CRYBG3: variants seen among roughly 807,000 people sequenced by gnomAD.
CRYBG3 encodes crystallin beta-gamma domain containing 3, also known as very large A-kinase anchor protein.
CRYBG3 carries 127 observed loss-of-function variants against 244.2 expected under a neutral mutation model. That is an observed-to-expected ratio of 0.52 (90% CI 0.45 to 0.60). The LOEUF (loss-of-function observed/expected upper bound fraction) is 0.60, where lower values mean the gene tolerates loss of function less well. Among genes scored for constraint, CRYBG3 ranks in the 20% least tolerant of loss-of-function variants. The pLI, the probability that CRYBG3 is intolerant of heterozygous loss-of-function variation, is 0.00. For synonymous variants in CRYBG3, 1,132 were observed against 1,195.8 expected, an observed-to-expected ratio of 0.95 and a Z score of 1.10; for missense variants, 3,325 against 3,442.5, an observed-to-expected ratio of 0.97 and a Z score of 0.85.
Position 97,831,195 on chromosome 3 carries a change from C to G in CRYBG3, c.149+8840C>G, listed in dbSNP as rs1490467093. Among the ~76,000 whole-genome samples the G allele has an allele frequency of 2.0e-5, 3 of 152,072 alleles. No individual in the cohort carries two copies. In the East Asian group the frequency reaches 5.8e-4, roughly 29 times the overall value. The stretch of plus-strand genomic sequence containing the variant: ...AGTAAATACTTTTTATGGGAACTCA[C>G]TGGGCTTGAAGAACATAACAAAGGC... On this transcript the variant is annotated intron_variant, in intron 1 of 21. Coordinates refer to ENST00000389622, the MANE Select transcript of CRYBG3 (RefSeq NM_153605.4).
Position 97,933,726 on chromosome 3 carries a change from T to C in CRYBG3, c.8274T>C (p.Ala2758=). 3 of 1,613,116 alleles carry C rather than the reference T, an allele frequency of 1.9e-6. No individual in the cohort carries two copies. Residue 2758 remains alanine (A), a synonymous_variant, in exon 18 of 22, where the codon GCT becomes GCC. Coordinates refer to ENST00000389622, the MANE Select transcript of CRYBG3 (RefSeq NM_153605.4). The part of the protein sequence containing the change: ...VFEEPSISLF[A]LEHCEGRELH... The stretch of plus-strand genomic sequence containing the variant: ...AAGAACCCTCCATCAGCCTTTTTGC[T>C]CTGGAGCATTGTGAGGGAAGAGAGT...
At chr3:97,892,405 A>G (rs1397704282) in intron 10 of CRYBG3, among the ~76,000 whole-genome samples, 1 of 152,090 alleles carries the variant, frequency 6.6e-6, no homozygotes, top group Non-Finnish European at 1.5e-5. Context: ...CATCTTCAAC[A>G]TCATATCGTC....
At chr3:97,837,476 A>G (rs1335147776) in intron 1 of CRYBG3, among the ~76,000 whole-genome samples, 1 of 152,120 alleles carries the variant, frequency 6.6e-6, no homozygotes, top group Non-Finnish European at 1.5e-5. Context: ...CCTGTTCTCA[A>G]CAGTATTGCT....
intron 4 of CRYBG3, 32 bp downstream of exon 4, chr3:97,878,069 G>C: frequency 6.6e-7 from 1 of 1,516,336 alleles, no homozygotes; most frequent in Non-Finnish European, 8.9e-7. Context: ...ATTAATAATA[G>C]TTATTAAAGC....
intron 17 of CRYBG3, among the ~76,000 whole-genome samples, chr3:97,923,573 TAAAAA>T (rs1020817915): frequency 1.3e-5 from 2 of 150,162 alleles, no homozygotes; most frequent in South Asian, 2.1e-4. Context: ...TTCTATCTAA[TAAAAA>T]AAAATCTAAA....
intron 7 of CRYBG3, among the ~76,000 whole-genome samples, chr3:97,881,994 A>T (rs1389357959): frequency 6.6e-6 from 1 of 151,870 alleles, no homozygotes; most frequent in Non-Finnish European, 1.5e-5. Flanking sequence ...GGATCACTTG[A>T]GGTCAGGAGT....
intron 8 of CRYBG3, among the ~76,000 whole-genome samples, chr3:97,887,701 A>G (rs1445552667): frequency 6.6e-6 from 1 of 152,192 alleles, no homozygotes; most frequent in African/African-American, 2.4e-5. Flanking sequence ...GGTTGTGGTG[A>G]GCTGAGATAG....
At chr3:97,926,876 T>C (rs1276813203) in intron 17 of CRYBG3, among the ~76,000 whole-genome samples, 2 of 151,884 alleles carry the variant, frequency 1.3e-5, no homozygotes, top group African/African-American at 4.8e-5. Context: ...GTGAAAGATC[T>C]CTACAATGAA....
chr3:97,874,806 T>G lies in CRYBG3; in HGVS notation c.3612T>G (p.Ile1204Met). The part of the protein sequence containing the change: ...SSLLKKADTL[I>M]GEIFNSVREE... The stretch of plus-strand genomic sequence containing the variant: ...TACTCAAAAAGGCCGATACATTGAT[T>G]GGTGAGATTTTTAATTCTGTCAGGG... Residue 1204 changes from isoleucine to methionine, a missense_variant, in exon 4 of 22, where the codon ATT (isoleucine) becomes ATG (methionine). Coordinates refer to ENST00000389622, the MANE Select transcript of CRYBG3 (RefSeq NM_153605.4). 1 of 1,536,060 alleles carries G rather than the reference T, an allele frequency of 6.5e-7. No individual in the cohort carries two copies. The highest frequency in any genetic ancestry group is 8.7e-7 in the Non-Finnish European group (1 of 1,146,876).
intron 15 of CRYBG3, among the ~76,000 whole-genome samples, chr3:97,906,052 T>G (rs1433983348): frequency 6.9e-6 from 1 of 144,784 alleles, no homozygotes; most frequent in Non-Finnish European, 1.5e-5. Context: ...ATCAGATAGT[T>G]GTAGATATGC....
chr3:97,861,815 A>G (rs1416820295), intron 2 of CRYBG3, among the ~76,000 whole-genome samples: 1 of 152,146 alleles, frequency 6.6e-6, no homozygotes, highest in African/African-American at 2.4e-5. Context: ...CAACTGCTTT[A>G]GATCAATCTT....
intron 21 of CRYBG3, chr3:97,942,679 C>G (rs1166386133): frequency 2.6e-6 from 1 of 379,952 alleles, no homozygotes; most frequent in South Asian, 6.0e-5. Context: ...TCATTTGCTA[C>G]GTGAACTCAG....
At position 97,879,724 on chromosome 3, in the gene CRYBG3, G is replaced by A. The variant is rs780509590; in HGVS notation, c.6864G>A (p.Leu2288=). The A allele has an allele frequency of 4.4e-6, 7 of 1,603,986 alleles. No individual in the cohort carries two copies. The highest frequency in any genetic ancestry group is 1.7e-5 in the Admixed American group (1 of 58,630). ...PFIENVDKQT[L]RCNPRPGKMV... Reference sequence around the variant, plus strand: ...TTCAGAATGTTGACAAACAAACTCTGAGATGTAACCCAAGACCTGGGAAGG... The same window carrying A: ...TTCAGAATGTTGACAAACAAACTCTAAGATGTAACCCAAGACCTGGGAAGG... Residue 2288 remains leucine (L), a synonymous_variant, in exon 5 of 22, where the codon CTG becomes CTA. Transcript: ENST00000389622.
At chr3:97,835,477 G>C (rs1266846220) in intron 1 of CRYBG3, among the ~76,000 whole-genome samples, 2 of 152,040 alleles carry the variant, frequency 1.3e-5, no homozygotes, top group African/African-American at 4.8e-5. Context: ...GAAGGTCCTG[G>C]GGCACAATCA....
intron 2 of CRYBG3, among the ~76,000 whole-genome samples, chr3:97,856,917 ATTG>A (rs1576524381): frequency 2.0e-5 from 3 of 151,602 alleles, no homozygotes; most frequent in Admixed American, 2.0e-4. Context: ...TGCTCTGATT[ATTG>A]TTTTCTTCTA....
At chr3:97,933,660 C>G (rs1371918801) in intron 17 of CRYBG3, 34 bp from the exon 18 acceptor site, 1 of 1,610,496 alleles carries the variant, frequency 6.2e-7, no homozygotes, top group Non-Finnish European at 8.5e-7. Flanking sequence ...GATATGGCCA[C>G]TCCTATGGTG....
At chr3:97,858,480 G>A (rs1482659806) in intron 2 of CRYBG3, among the ~76,000 whole-genome samples, 2 of 151,922 alleles carry the variant, frequency 1.3e-5, no homozygotes, top group African/African-American at 4.8e-5. Flanking sequence ...TAGGTTTTCT[G>A]TGCCTTTTCC....
intron 17 of CRYBG3, among the ~76,000 whole-genome samples, chr3:97,932,200 C>T (rs1225179651): frequency 1.3e-5 from 2 of 151,976 alleles, no homozygotes; most frequent in Admixed American, 1.3e-4. Flanking sequence ...CAAGCGCATA[C>T]ATATGTATGT....
chr3:97,922,939 G>A (rs1278546045), intron 17 of CRYBG3, among the ~76,000 whole-genome samples: 33 of 152,106 alleles, frequency 2.2e-4, no homozygotes, highest in South Asian at 4.2e-4. Context: ...GAACCAACCC[G>A]AATGTCCATC....
Sources: gnomAD v4.1 joint callset for allele counts (sites outside exome capture counted in the v4.1 genomes callset) on GRCh38, gnomAD v4.1.1 for gene constraint, MANE v1.5 for transcripts, NCBI Gene and HGNC (gene_info 2026-07-23, HGNC 2026-07-21) for gene names.